TTC6: variants seen among roughly 807,000 people sequenced by gnomAD.
The protein encoded by TTC6 is tetratricopeptide repeat protein 6.
TTC6 carries 172 observed loss-of-function variants against 210.4 expected under a neutral mutation model. The observed-to-expected ratio is 0.82, with a 90% CI of 0.72 to 0.93. TTC6 has a LOEUF of 0.93. Among genes scored for constraint, TTC6 ranks in the 40% least tolerant of loss-of-function variants. The pLI, the probability that TTC6 is intolerant of heterozygous loss-of-function variation, is 0.00. For missense variants in TTC6, 2,414 were observed against 2,318.1 expected, an observed-to-expected ratio of 1.04 and a Z score of -0.85; for synonymous variants, 804 against 819.6, an observed-to-expected ratio of 0.98 and a Z score of 0.32.
chr14:37,816,590 T>C (rs1423428358), intron 25 of TTC6, among the ~76,000 whole-genome samples: 2 of 152,152 alleles, frequency 1.3e-5, no homozygotes, highest in Non-Finnish European at 2.9e-5. Flanking sequence ...TGAAGCAGTC[T>C]TCTGGGGAAA....
At chr14:37,612,027 A>C (rs1194350765) in intron 2 of TTC6, among the ~76,000 whole-genome samples, 1 of 152,168 alleles carries the variant, frequency 6.6e-6, no homozygotes. Flanking sequence ...AAAGTTGAAC[A>C]AATTGCTTTT....
At chr14:37,655,757 C>T (rs2095721271) in intron 1 of TTC6, among the ~76,000 whole-genome samples, 1 of 152,136 alleles carries the variant, frequency 6.6e-6, no homozygotes, top group Non-Finnish European at 1.5e-5. Flanking sequence ...ATACCACTAC[C>T]CAGTATTTCA....
At chr14:37,623,818 A>G (rs1018936976) in intron 1 of TTC6, among the ~76,000 whole-genome samples, 1 of 152,202 alleles carries the variant, frequency 6.6e-6, no homozygotes, top group East Asian at 1.9e-4. Flanking sequence ...GCTAAGCTAG[A>G]TGGGGTCATA....
intron 14 of TTC6, among the ~76,000 whole-genome samples, chr14:37,774,116 C>G (rs1366908033): frequency 6.6e-6 from 1 of 152,082 alleles, no homozygotes; most frequent in East Asian, 1.9e-4. Flanking sequence ...ATTTTGTATC[C>G]TGAAACTTTT....
At chr14:37,767,114 A>T (rs2096001879) in intron 14 of TTC6, among the ~76,000 whole-genome samples, 1 of 152,162 alleles carries the variant, frequency 6.6e-6, no homozygotes, top group Admixed American at 6.5e-5. Context: ...CCATGTCCCT[A>T]CAAAGGACAA....
chr14:37,609,250 A>AAT (rs1053524413), intron 2 of TTC6, among the ~76,000 whole-genome samples: 37 of 151,746 alleles, frequency 2.4e-4, no homozygotes, highest in African/African-American at 6.0e-4. Context: ...CTGTCTCTAC[A>AAT]ATATATATAT....
chr14:37,782,419 C>G (rs1360792803), intron 14 of TTC6, among the ~76,000 whole-genome samples: 2 of 152,070 alleles, frequency 1.3e-5, no homozygotes, highest in Non-Finnish European at 2.9e-5. Context: ...CATGATTTGG[C>G]TCTCTGTTTA....
At chr14:37,741,450 G>A (rs985252894) in intron 10 of TTC6, among the ~76,000 whole-genome samples, 3 of 151,510 alleles carry the variant, frequency 2.0e-5, no homozygotes, top group African/African-American at 7.3e-5. Context: ...CACCACACCT[G>A]GCTAATTTTT....
At chr14:37,835,136 T>C (rs2096194736) in intron 29 of TTC6, among the ~76,000 whole-genome samples, 1 of 152,156 alleles carries the variant, frequency 6.6e-6, no homozygotes, top group African/African-American at 2.4e-5. Flanking sequence ...GCAGGGCACA[T>C]AGGCACTGGC....
At chr14:37,622,282 C>T (rs1252839625) in exon 1 of TTC6, 1 of 1,535,036 alleles carries the variant, frequency 6.5e-7, no homozygotes. Flanking sequence ...GCCCGGACGT[C>T]GAGAAGATAC....
chr14:37,632,520 C>T (rs778873532), intron 1 of TTC6, among the ~76,000 whole-genome samples: 3 of 152,174 alleles, frequency 2.0e-5, no homozygotes, highest in Non-Finnish European at 4.4e-5. Flanking sequence ...CTGCCAAATG[C>T]CAGCTGGAGC....
intron 1 of TTC6, among the ~76,000 whole-genome samples, chr14:37,623,327 G>A (rs1229029145): frequency 6.6e-6 from 1 of 152,130 alleles, no homozygotes; most frequent in African/African-American, 2.4e-5. Context: ...ATTATTTAGT[G>A]TTAAAGGAAC....
rs1369992284 is a variant in TTC6, at chr14:37,727,274, A to G, written c.1818+2272A>G. Among the ~76,000 whole-genome samples the G allele has an allele frequency of 2.3e-5, 3 of 133,268 alleles. 1 individual carries two copies. The highest frequency in any genetic ancestry group is 5.0e-5 in the Non-Finnish European group (3 of 59,718). The allele number at this position is 133,268 out of a possible 152,430, so 87.4% of individuals were successfully genotyped here. A position where few individuals can be genotyped will look rare whatever the true frequency, so the allele number is the denominator to read the frequency against. ...GCTTTCCATAGCATGTTGACATTCT[A>G]TGTTGGTATTTTTCTAATTTTTTTT... On this transcript the variant is annotated intron_variant, in intron 7 of 30. Transcript: ENST00000553443.
intron 14 of TTC6, among the ~76,000 whole-genome samples, chr14:37,786,802 C>A (rs992724453): frequency 6.6e-6 from 1 of 152,210 alleles, no homozygotes; most frequent in African/African-American, 2.4e-5. Flanking sequence ...AGTAGGCAAC[C>A]TAGTAGCTTC....
intron 14 of TTC6, among the ~76,000 whole-genome samples, chr14:37,757,795 T>G (rs1303613986): frequency 2.0e-5 from 3 of 152,284 alleles, no homozygotes; most frequent in Non-Finnish European, 4.4e-5. Context: ...GATTTTAGAT[T>G]GTTCCTGCTT....
At chr14:37,704,637 C>T (rs1197384238) in intron 5 of TTC6, among the ~76,000 whole-genome samples, 3 of 151,556 alleles carry the variant, frequency 2.0e-5, no homozygotes, top group Non-Finnish European at 4.4e-5. Context: ...AGTTATTTGC[C>T]GTATATATTA....
At chr14:37,679,362 C>T (rs898740132) in intron 1 of TTC6, among the ~76,000 whole-genome samples, 2 of 152,140 alleles carry the variant, frequency 1.3e-5, no homozygotes, top group Admixed American at 6.6e-5. Flanking sequence ...TTTATTCCTA[C>T]ATCATTGTTA....
chr14:37,808,859 T>A lies in TTC6; in HGVS notation c.4569+13T>A, dbSNP rs748855488. 1 of 1,333,860 alleles carries A rather than the reference T, an allele frequency of 7.5e-7. No homozygotes were observed. Among genetic ancestry groups the A allele is most frequent in the Non-Finnish European group, 1.0e-6 (1 of 952,452 alleles). 82.6% of individuals were successfully genotyped at this position (1,333,860 alleles called of 1,614,324 possible). A position where few individuals can be genotyped will look rare whatever the true frequency, so the allele number is the denominator to read the frequency against. Reference sequence around the variant, plus strand: ...GGAACTTCAAATGGTAAGATGACCATTTTAGTAAACAATGTGTTTAAAGTG... The same window carrying A: ...GGAACTTCAAATGGTAAGATGACCAATTTAGTAAACAATGTGTTTAAAGTG... On this transcript the variant is annotated intron_variant, in intron 24 of 30. Transcript: ENST00000553443.
chr14:37,676,164 T>A (rs1390943249), intron 1 of TTC6, among the ~76,000 whole-genome samples: 3 of 152,020 alleles, frequency 2.0e-5, no homozygotes, highest in African/African-American at 7.2e-5. Context: ...AATGCTTAAT[T>A]GAGAAATGCC....
Sources: gnomAD v4.1 joint callset for allele counts (sites outside exome capture counted in the v4.1 genomes callset) on GRCh38, gnomAD v4.1.1 for gene constraint, MANE v1.5 for transcripts, NCBI Gene and HGNC (gene_info 2026-07-23, HGNC 2026-07-21) for gene names.